BABAM2: variants seen among roughly 807,000 people sequenced by gnomAD.
BABAM2 encodes the protein BRISC and BRCA1-A complex member 2.
BABAM2 carries 31 observed loss-of-function variants against 54.7 expected under a neutral mutation model. The observed-to-expected ratio is 0.57, with a 90% CI of 0.43 to 0.77. The LOEUF is 0.77. Among genes scored for constraint, BABAM2 ranks in the 30% least tolerant of loss-of-function variants. The pLI is 0.00. For synonymous variants in BABAM2, 167 were observed against 162.9 expected (o/e 1.03, Z -0.19); for missense variants, 364 against 455.8 (o/e 0.80, Z 1.83).
At chr2:28,205,700 C>T (rs866031943) in intron 7 of BABAM2, among the ~76,000 whole-genome samples, 2 of 152,070 alleles carry the variant, frequency 1.3e-5, no homozygotes, top group Admixed American at 6.5e-5. Context: ...GGTCCCAAAC[C>T]TTCTGTAGAG....
At chr2:28,237,078 T>C in intron 7 of BABAM2, 124 bp from the exon 8 acceptor site, 1 of 705,034 alleles carries the variant, frequency 1.4e-6, no homozygotes, top group Non-Finnish European at 2.5e-6. Flanking sequence ...CATATACCCA[T>C]CATCATTAAC....
intron 11 of BABAM2, among the ~76,000 whole-genome samples, chr2:28,320,783 G>A (rs1017460178): frequency 1.3e-5 from 2 of 152,188 alleles, no homozygotes; most frequent in Non-Finnish European, 2.9e-5. Context: ...ACACGGGCTT[G>A]CAGCTTCCAA....
At chr2:27,949,406 TG>T (rs1395102032) in intron 3 of BABAM2, among the ~76,000 whole-genome samples, 1 of 151,938 alleles carries the variant, frequency 6.6e-6, no homozygotes, top group Non-Finnish European at 1.5e-5. Context: ...TGGTGATGGG[TG>T]CCTGTGATCC....
rs1229432835 is a variant in BABAM2, at chr2:28,131,292, G to A, written c.680+1912G>A. On this transcript the variant is annotated intron_variant, in intron 7 of 11. Transcript: ENST00000379624. ...GAGACGGGGTTTCACCGTTTTAGCC[G>A]GGATGGTCTCGATCTCCTGACCTCG... Among the ~76,000 whole-genome samples, 4 of 50,874 alleles carry A rather than the reference G, an allele frequency of 7.9e-5. 2 individuals carry two copies. The highest frequency in any genetic ancestry group is 3.1e-4 in the Admixed American group (2 of 6,516). 33.4% of individuals were successfully genotyped at this position (50,874 alleles called of 152,430 possible). A position where few individuals can be genotyped will look rare whatever the true frequency, so the allele number is the denominator to read the frequency against.
intron 11 of BABAM2, among the ~76,000 whole-genome samples, chr2:28,326,845 A>T (rs907307228): frequency 2.0e-5 from 3 of 152,244 alleles, no homozygotes; most frequent in Non-Finnish European, 4.4e-5. Context: ...GCAGTGTCAC[A>T]GGAACCATCC....
intron 7 of BABAM2, among the ~76,000 whole-genome samples, chr2:28,141,589 G>C (rs191328796): frequency 2.6e-5 from 4 of 152,206 alleles, no homozygotes; most frequent in Admixed American, 2.6e-4. Flanking sequence ...TTTATTTCAT[G>C]ATGGGGACAG....
chr2:28,038,216 C>T (rs551289292), intron 5 of BABAM2, among the ~76,000 whole-genome samples: 4 of 152,124 alleles, frequency 2.6e-5, no homozygotes, highest in Admixed American at 1.3e-4. Flanking sequence ...TAGACTTTTC[C>T]TGCCTGGTGT....
chr2:27,956,003 G>A (rs558813881), intron 3 of BABAM2, among the ~76,000 whole-genome samples: 11 of 151,814 alleles, frequency 7.2e-5, no homozygotes, highest in East Asian at 3.9e-4. Context: ...CTGTAGAATG[G>A]TGATTACCTT....
intron 3 of BABAM2, among the ~76,000 whole-genome samples, chr2:27,943,052 A>G (rs1669043311): frequency 1.3e-5 from 2 of 152,128 alleles, no homozygotes; most frequent in African/African-American, 4.8e-5. Context: ...TGGCCTCCCA[A>G]AGTGTTGGGA....
At chr2:28,023,022 A>G (rs1404138107) in intron 4 of BABAM2, among the ~76,000 whole-genome samples, 4 of 152,196 alleles carry the variant, frequency 2.6e-5, no homozygotes, top group African/African-American at 9.7e-5. Flanking sequence ...CTTGTTTAGT[A>G]TAGCTAAACC....
chr2:28,107,201 T>C (rs766773070), intron 6 of BABAM2, among the ~76,000 whole-genome samples: 7 of 152,104 alleles, frequency 4.6e-5, no homozygotes, highest in Admixed American at 1.3e-4. Flanking sequence ...AAGTTGCTTC[T>C]CTATGTGAAC....
chr2:27,977,424 A>AT (rs1024068461), intron 3 of BABAM2, among the ~76,000 whole-genome samples: 2 of 152,168 alleles, frequency 1.3e-5, no homozygotes, highest in Non-Finnish European at 2.9e-5. Flanking sequence ...ATACAGATAA[A>AT]TTTAAAATTT....
intron 6 of BABAM2, among the ~76,000 whole-genome samples, chr2:28,111,175 G>T (rs1321131037): frequency 6.7e-6 from 1 of 149,988 alleles, no homozygotes; most frequent in South Asian, 2.1e-4. Context: ...TAGAGATGGG[G>T]TTTCACCATT....
intron 10 of BABAM2, among the ~76,000 whole-genome samples, chr2:28,246,233 AT>A (rs1369873315): frequency 2.6e-5 from 4 of 152,136 alleles, no homozygotes; most frequent in Admixed American, 2.0e-4. Flanking sequence ...GGCCCTACTA[AT>A]CTGAGCCTAA....
intron 6 of BABAM2, among the ~76,000 whole-genome samples, chr2:28,060,901 C>G (rs1678803998): frequency 6.6e-6 from 1 of 152,032 alleles, no homozygotes; most frequent in African/African-American, 2.4e-5. Context: ...TCAGTTCTTC[C>G]TAAATTGGCA....
In BABAM2 at chr2:27,934,266, A is replaced by G. The variant is rs968912643; in HGVS notation, c.205+4358A>G. On this transcript the variant is annotated intron_variant, in intron 3 of 11. Coordinates refer to ENST00000379624, the MANE Select transcript of BABAM2 (RefSeq NM_199191.3). ...TCTAAATCATGAAGCGTTTCCACATACTTTTTCATTATTATTCTGTTATGG... is the reference window on the plus strand; with the variant it reads ...TCTAAATCATGAAGCGTTTCCACATGCTTTTTCATTATTATTCTGTTATGG... Among the ~76,000 whole-genome samples the G allele has an allele frequency of 4.6e-5, 7 of 152,026 alleles. 1 individual carries two copies. The highest frequency in any genetic ancestry group is 6.6e-5 in the Admixed American group (1 of 15,264).
chr2:28,306,997 T>TAATTGG (rs1572385995), intron 11 of BABAM2, among the ~76,000 whole-genome samples: 1 of 69,312 alleles, frequency 1.4e-5, no homozygotes, highest in African/African-American at 5.0e-5. Flanking sequence ...CACCTGGCCT[T>TAATTGG]TTTTTTTTTT....
intron 4 of BABAM2, among the ~76,000 whole-genome samples, chr2:28,000,632 A>T (rs75033371): frequency 0.015 from 2,345 of 152,274 alleles, 28 homozygotes; most frequent in Non-Finnish European, 0.025. Flanking sequence ...GCCCTCTTTG[A>T]GGGCAGTATC....
intron 7 of BABAM2, among the ~76,000 whole-genome samples, chr2:28,171,744 A>G (rs188822610): frequency 5.3e-4 from 81 of 152,228 alleles, no homozygotes; most frequent in Admixed American, 9.2e-4. Context: ...TAATTAATAA[A>G]TTATGTCATG....
Sources: gnomAD v4.1 joint callset for allele counts (sites outside exome capture counted in the v4.1 genomes callset) on GRCh38, gnomAD v4.1.1 for gene constraint, MANE v1.5 for transcripts, NCBI Gene and HGNC (gene_info 2026-07-23, HGNC 2026-07-21) for gene names.